CCDC73: variants seen among roughly 807,000 people sequenced by gnomAD.
CCDC73 encodes coiled-coil domain containing 73.
Under a neutral mutation model 116.5 loss-of-function variants are expected in CCDC73, and 95 were observed. The observed-to-expected ratio is 0.82, with a 90% CI of 0.69 to 0.97. The LOEUF (loss-of-function observed/expected upper bound fraction) is 0.97, where lower values mean the gene tolerates loss of function less well. Among genes scored for constraint, CCDC73 ranks in the 50% least tolerant of loss-of-function variants. The pLI is 0.00. For synonymous variants in CCDC73, 398 were observed against 401.3 expected, an observed-to-expected ratio of 0.99 and a Z score of 0.10; for missense variants, 1,066 against 1,206.8, an observed-to-expected ratio of 0.88 and a Z score of 1.73.
chr11:32,695,774 TA>T (rs59419534), intron 6 of CCDC73, among the ~76,000 whole-genome samples: 230 of 129,452 alleles, frequency 1.8e-3, no homozygotes, highest in South Asian at 4.9e-3. Flanking sequence ...AGTTTGGTTG[TA>T]AAAAAAAAAA....
intron 1 of CCDC73, among the ~76,000 whole-genome samples, chr11:32,789,472 A>T (rs1489830254): frequency 2.0e-5 from 3 of 152,140 alleles, no homozygotes; most frequent in South Asian, 4.1e-4. Context: ...TGATTTTTTT[A>T]AAAATACAGA....
intron 2 of CCDC73, among the ~76,000 whole-genome samples, chr11:32,726,767 G>A (rs1238645031): frequency 3.3e-5 from 5 of 151,908 alleles, no homozygotes; most frequent in Non-Finnish European, 7.4e-5. Flanking sequence ...ATAGAAATAA[G>A]CTAGAAATCA....
the CCDC73 span, among the ~76,000 whole-genome samples, chr11:32,820,360 T>G: frequency 1.3e-5 from 2 of 152,080 alleles, no homozygotes; most frequent in East Asian, 3.9e-4. Flanking sequence ...CTCACTATGT[T>G]GCCTAGGTTG....
chr11:32,756,924 T>G (rs1850349152), intron 2 of CCDC73, among the ~76,000 whole-genome samples: 1 of 152,074 alleles, frequency 6.6e-6, no homozygotes, highest in Non-Finnish European at 1.5e-5. Flanking sequence ...CATAAGTAGT[T>G]CCTGAATAAG....
chr11:32,798,714 G>C (rs913280162), upstream of CCDC73, among the ~76,000 whole-genome samples: 8 of 152,276 alleles, frequency 5.3e-5, no homozygotes, highest in Admixed American at 1.3e-4. Flanking sequence ...GGCTAATCAG[G>C]CATCTAACTC....
At chr11:32,755,015 G>A (rs112161463) in intron 2 of CCDC73, among the ~76,000 whole-genome samples, 2 of 147,230 alleles carry the variant, frequency 1.4e-5, no homozygotes, top group African/African-American at 2.5e-5. Flanking sequence ...AACCTCCCAC[G>A]TAGCTGGGAT....
chr11:32,692,273 A>G (rs879317756), intron 6 of CCDC73, among the ~76,000 whole-genome samples: 1 of 151,886 alleles, frequency 6.6e-6, no homozygotes, highest in Non-Finnish European at 1.5e-5. Flanking sequence ...CACCTTCTCA[A>G]CTTTCAGAAC....
Position 32,613,666 on chromosome 11 carries a change from T to G in CCDC73, c.2652A>C (p.Ser884=). Residue 884 remains serine, a synonymous_variant, in exon 16 of 18, where the codon TCA becomes TCC. Transcript: ENST00000335185. ...SGDLVNRSGR[S]TFDLSTSDKK... The stretch of plus-strand genomic sequence containing the variant: ...TATCTGAAGTTGAAAGATCAAAGGT[T>G]GACCTTCCGCTTCTGTTTACTAAAT... The G allele has an allele frequency of 6.2e-7, 1 of 1,614,132 alleles. No homozygotes were observed. The highest frequency in any genetic ancestry group is 2.2e-5 in the East Asian group (1 of 44,870).
At chr11:32,686,754 C>A (rs1856205483) in intron 6 of CCDC73, among the ~76,000 whole-genome samples, 1 of 152,116 alleles carries the variant, frequency 6.6e-6, no homozygotes, top group Non-Finnish European at 1.5e-5. Context: ...TAGAGCATTG[C>A]CCAACTAATA....
intron 14 of CCDC73, among the ~76,000 whole-genome samples, chr11:32,633,096 C>T (rs948975688): frequency 6.6e-6 from 1 of 152,134 alleles, no homozygotes; most frequent in Non-Finnish European, 1.5e-5. Flanking sequence ...ACTCTGTTGC[C>T]AGGCTGGAGT....
intron 2 of CCDC73, among the ~76,000 whole-genome samples, chr11:32,756,953 C>T (rs1850349487): frequency 6.6e-6 from 1 of 152,098 alleles, no homozygotes; most frequent in Admixed American, 6.6e-5. Flanking sequence ...TTGCTTATCA[C>T]ACATGCCTGC....
upstream of CCDC73, among the ~76,000 whole-genome samples, chr11:32,796,083 C>T (rs528723282): frequency 4.5e-4 from 69 of 152,284 alleles, no homozygotes; most frequent in African/African-American, 1.5e-3. Context: ...GCCCAGATGT[C>T]ACCTTTTTAG....
chr11:32,712,224 A>G (rs1849905961), intron 3 of CCDC73, among the ~76,000 whole-genome samples: 1 of 152,084 alleles, frequency 6.6e-6, no homozygotes, highest in Admixed American at 6.6e-5. Context: ...TCAAACTTAT[A>G]CAAGTTGAGA....
chr11:32,748,570 TAA>T (rs1355536297), intron 2 of CCDC73, among the ~76,000 whole-genome samples: 9 of 152,210 alleles, frequency 5.9e-5, no homozygotes, highest in South Asian at 2.1e-4. Flanking sequence ...TCTTTCTACT[TAA>T]GATATAAGTA....
chr11:32,650,192 C>T (rs1006950963), intron 12 of CCDC73, among the ~76,000 whole-genome samples: 3 of 152,128 alleles, frequency 2.0e-5, no homozygotes, highest in Admixed American at 6.5e-5. Flanking sequence ...CTTAGTATAA[C>T]TGATCTAACA....
chr11:32,694,235 A>G (rs894738922), intron 6 of CCDC73, among the ~76,000 whole-genome samples: 1 of 152,220 alleles, frequency 6.6e-6, no homozygotes, highest in African/African-American at 2.4e-5. Context: ...TACAAAATCA[A>G]TGTGCAAAAA....
chr11:32,719,398 A>G (rs1328907470), intron 2 of CCDC73, among the ~76,000 whole-genome samples: 1 of 152,226 alleles, frequency 6.6e-6, no homozygotes, highest in Non-Finnish European at 1.5e-5. Context: ...GACCACTAAT[A>G]TAACAGCAAA....
intron 1 of CCDC73, among the ~76,000 whole-genome samples, chr11:32,776,833 T>C (rs1306975060): frequency 6.6e-6 from 1 of 150,690 alleles, no homozygotes; most frequent in Admixed American, 6.6e-5. Flanking sequence ...TACAACCCCT[T>C]ACCTAACAAA....
Position 32,614,329 on chromosome 11 carries a change from T to C in CCDC73, c.1989A>G (p.Lys663=). 1 of 1,611,844 alleles carries C rather than the reference T, an allele frequency of 6.2e-7. No individual in the cohort carries two copies. The highest frequency in any genetic ancestry group is 8.5e-7 in the Non-Finnish European group (1 of 1,178,598). ...VMLDDKQCKI[K]QIQLLTKKSE... is the part of the protein sequence containing the mutation. ...TTTTTTTAGTTAACAGTTGTATTTGTTTTATTTTACATTGTTTATCATCTA... is the reference window on the plus strand; with the variant it reads ...TTTTTTTAGTTAACAGTTGTATTTGCTTTATTTTACATTGTTTATCATCTA... The change falls in exon 16 of 18, where the codon AAA becomes AAG. Residue 663 remains lysine, a synonymous_variant. Transcript: ENST00000335185.
Sources: allele counts gnomAD v4.1 joint callset (sites outside exome capture counted in the v4.1 genomes callset), GRCh38; gene constraint gnomAD v4.1.1; transcripts MANE v1.5; gene names NCBI Gene and HGNC (gene_info 2026-07-23, HGNC 2026-07-21).